The following OCRL variants were observed in gnomAD, a reference collection of about 807,000 sequenced individuals.
OCRL encodes the protein OCRL inositol polyphosphate-5-phosphatase.
Under a neutral mutation model 78.9 loss-of-function variants are expected in OCRL, and 8 were observed. The ratio of observed to expected loss-of-function variants is 0.10; its 90% CI spans 0.06 to 0.18. The LOEUF (loss-of-function observed/expected upper bound fraction) is 0.18, where lower values mean the gene tolerates loss of function less well. Ranked by LOEUF, OCRL falls within the 10% of genes least tolerant of loss-of-function variation. The pLI is 1.00. For missense variants in OCRL, 454 were observed against 696.7 expected (o/e 0.65, Z 3.92); for synonymous variants, 240 against 235.4 (o/e 1.02, Z -0.18).
chrX:129,546,943 G>A (rs1051509040), intron 3 of OCRL, among the ~76,000 whole-genome samples: 1 of 111,372 alleles, frequency 9.0e-6, no homozygotes, highest in African/African-American at 3.3e-5. Flanking sequence ...CTGTGGCCAG[G>A]CGCGATGGCT....
chrX:129,547,913 G>C lies in OCRL; in HGVS notation c.200-650G>C, dbSNP rs2078601598. On this transcript the variant is annotated intron_variant, in intron 3 of 23. Transcript: ENST00000371113. ...AGAGAAATCAGAGGGGAAGAGATAG[G>C]TTGGGTCTAGACACTTGTTGTAAAG... is the stretch of plus-strand genomic sequence containing the variant. 2.7e-5 allele frequency among the ~76,000 whole-genome samples: 3 copies of C among 111,843 alleles called. No homozygotes were observed. The Admixed American group carries it at 2.8e-4, about 11-fold the overall frequency.
chrX:129,588,395 C>T, intron 21 of OCRL, 132 bp downstream of exon 21: 1 of 534,056 alleles, frequency 1.9e-6, no homozygotes, highest in Non-Finnish European at 3.2e-6. Context: ...TAACCACTGA[C>T]TATCCACTTG....
intron 4 of OCRL, among the ~76,000 whole-genome samples, chrX:129,554,997 AAAT>A (rs1438304375): frequency 0.011 from 1,107 of 103,295 alleles, 14 homozygotes; most frequent in African/African-American, 0.038. Flanking sequence ...ATAAATAAAT[AAAT>A]AAAAATAAGA....
rs141800769 is a variant in OCRL at position 129,562,372 on chromosome X, C to T, written c.940-12C>T. 2,423 of 1,172,270 alleles carry T rather than the reference C, an allele frequency of 2.1e-3. 37 individuals carry two copies. In the African/African-American group the frequency reaches 0.038, roughly 18 times the overall value. ...TTAACATTAACCTTTTGTAACTCCC[C>T]GGAACTCATAGGTTCAACTGGTGCG... On this transcript the variant is annotated splice_polypyrimidine_tract_variant and intron_variant, in intron 10 of 23. Transcript: ENST00000371113.
intron 15 of OCRL, 75 bp from the exon 16 acceptor site, chrX:129,575,065 T>G: frequency 2.7e-6 from 2 of 730,823 alleles, no homozygotes; most frequent in Non-Finnish European, 4.4e-6. Flanking sequence ...TGACCAGTTT[T>G]AAATTGTTAG....
chrX:129,569,135 A>G, intron 14 of OCRL, 129 bp from the exon 15 acceptor site: 1 of 748,728 alleles, frequency 1.3e-6, no homozygotes. Flanking sequence ...AGGGGTTGTT[A>G]GGGAAGGAGA....
chrX:129,573,847 A>G (rs1296524259), intron 15 of OCRL, among the ~76,000 whole-genome samples: 1 of 112,105 alleles, frequency 8.9e-6, no homozygotes, highest in Non-Finnish European at 1.9e-5. Flanking sequence ...GGTGTGAGCC[A>G]CTGTGCCCAG....
Position 129,576,052 on chromosome X carries a change from C to T in OCRL, c.1869C>T (p.Tyr623=). 2 of 1,210,045 alleles carry T rather than the reference C, an allele frequency of 1.7e-6. No individual in the cohort carries two copies. Among genetic ancestry groups the T allele is most frequent in the Non-Finnish European group, 2.2e-6 (2 of 895,011 alleles). The change falls in exon 17 of 24, where the codon TAC becomes TAT. Residue 623 remains tyrosine (Y), a synonymous_variant. Coordinates refer to ENST00000371113, the MANE Select transcript of OCRL (RefSeq NM_000276.4). ...TTCGGGCTGAACCTTTTGAGGGCTA[C>T]TTGGAGCCAAGTGAGTTTTCCCTTT... ...PWLRAEPFEG[Y]LEPNETVDIS...
chrX:129,588,755 C>T, intron 21 of OCRL, 131 bp from the exon 22 acceptor site: 1 of 775,552 alleles, frequency 1.3e-6, no homozygotes, highest in South Asian at 2.2e-5. Flanking sequence ...ATATCAAACC[C>T]CCATTAGGAT....
At chrX:129,567,882 G>C (rs910432509) in intron 14 of OCRL, among the ~76,000 whole-genome samples, 19 of 107,035 alleles carry the variant, frequency 1.8e-4, no homozygotes, top group African/African-American at 6.5e-4. Context: ...AGAACACTGA[G>C]AACCACTGTT....
chrX:129,566,406 G>A (rs1055582248), intron 13 of OCRL, among the ~76,000 whole-genome samples: 3 of 112,580 alleles, frequency 2.7e-5, no homozygotes, highest in Non-Finnish European at 5.6e-5. Context: ...GTTGAAGCTA[G>A]CTGGTATTTA....
At chrX:129,550,936 G>A (rs1174247431) in intron 4 of OCRL, among the ~76,000 whole-genome samples, 1 of 104,760 alleles carries the variant, frequency 9.5e-6, no homozygotes, top group African/African-American at 3.7e-5. Context: ...GATTTGACAG[G>A]GTTTTTTTTT....
intron 4 of OCRL, among the ~76,000 whole-genome samples, chrX:129,552,612 A>G (rs1273331907): frequency 1.8e-5 from 2 of 111,584 alleles, no homozygotes; most frequent in African/African-American, 6.5e-5. Context: ...TTCAGTAGAG[A>G]TGGGGTTTTG....
rs761760656 is a variant in OCRL at position 129,540,771 on chromosome X, C to T, written c.67C>T (p.Pro23Ser). 1.2e-5 allele frequency: 15 copies of T among 1,208,222 alleles called. No individual in the cohort carries two copies. In the South Asian group the frequency reaches 1.6e-4, roughly 13 times the overall value. Residue 23 changes from proline to serine, a missense_variant, in exon 2 of 24, where the codon CCT becomes TCT. This residue lies in a region of OCRL where 177 missense variants were observed against 179.6 expected (regional missense o/e 0.99). Coordinates refer to ENST00000371113, the MANE Select transcript of OCRL (RefSeq NM_000276.4). ...TGTCGAGGGTATGGAGATGAAGGGT[C>T]CTCTCCGGGAGCCCTGCGCCCTGAC... Reference protein sequence around the residue: ...ATVEGMEMKGPLREPCALTLA... With the variant: ...ATVEGMEMKGSLREPCALTLA...
At chrX:129,552,831 T>C (rs189606575) in intron 4 of OCRL, among the ~76,000 whole-genome samples, 1 of 112,762 alleles carries the variant, frequency 8.9e-6, no homozygotes, top group African/African-American at 3.2e-5. Flanking sequence ...GTAGATGATA[T>C]TCAAAATCAT....
In OCRL at chrX:129,575,621, A is replaced by G. The variant is rs933388052; in HGVS notation, c.1714-276A>G. The G allele has an allele frequency of 8.1e-5, 33 of 405,324 alleles. No individual in the cohort carries two copies. In the African/African-American group the frequency reaches 8.3e-4, roughly 10 times the overall value. 33.4% of individuals were successfully genotyped at this position (405,324 alleles called of 1,213,427 possible). A position where few individuals can be genotyped will look rare whatever the true frequency, so the allele number is the denominator to read the frequency against. On this transcript the variant is annotated intron_variant, in intron 16 of 23. Coordinates refer to ENST00000371113, the MANE Select transcript of OCRL (RefSeq NM_000276.4). ...AAACCAGGACTTGGTCACAGGATGA[A>G]TACTCTGAACCAAGGTTGGGTTACC... is the stretch of plus-strand genomic sequence containing the variant.
Position 129,540,930 on chromosome X carries a change from C to T in OCRL, c.119+107C>T, listed in dbSNP as rs1331593893. ...CCTCCTACTGAAGCCACGCGGGCAA[C>T]AGGTTCAGGTCCAGGTGTGAAGTGC... On this transcript the variant is annotated intron_variant, in intron 2 of 23. Coordinates refer to ENST00000371113, the MANE Select transcript of OCRL (RefSeq NM_000276.4). 8 of 624,563 alleles carry T rather than the reference C, an allele frequency of 1.3e-5. No individual in the cohort carries two copies. In the East Asian group the frequency reaches 2.3e-4, roughly 18 times the overall value. The allele number at this position is 624,563 out of a possible 1,213,427, so 51.5% of individuals were successfully genotyped here. A position where few individuals can be genotyped will look rare whatever the true frequency, so the allele number is the denominator to read the frequency against.
At chrX:129,580,862 G>A (rs570662470) in intron 18 of OCRL, among the ~76,000 whole-genome samples, 3 of 110,605 alleles carry the variant, frequency 2.7e-5, no homozygotes, top group South Asian at 7.6e-4. Flanking sequence ...TTCAGTTTTC[G>A]GCTATTTATT....
rs1202051592 is a variant in OCRL, at chrX:129,558,853, A to G, written c.574A>G (p.Lys192Glu). ...FSVNKMLPRE[K>E]EASNKEQPKV... ...TTTATTTGCTAGGCTTCCACGTGAA[A>G]AAGAAGCTTCTAACAAGGAGCAGCC... The change falls in exon 8 of 24, where the codon AAA becomes GAA. Residue 192 changes from lysine (K) to glutamate (E), a missense_variant. Lys to Glu is a moderately conservative substitution (Grantham distance 56, BLOSUM62 1). This residue lies in a region of OCRL where 177 missense variants were observed against 179.6 expected (regional missense o/e 0.99). Transcript: ENST00000371113. The G allele has an allele frequency of 1.5e-5, 18 of 1,212,186 alleles. No homozygotes were observed. The highest frequency in any genetic ancestry group is 2.0e-5 in the Non-Finnish European group (18 of 895,560).
Sources: gnomAD v4.1 joint callset for allele counts (sites outside exome capture counted in the v4.1 genomes callset) on GRCh38, gnomAD v4.1.1 for gene constraint, gnomAD v4.1.1 regional missense constraint, MANE v1.5 for transcripts, NCBI Gene and HGNC (gene_info 2026-07-23, HGNC 2026-07-21) for gene names.